Variants in UBE2D2 observed in about 807,000 individuals in gnomAD.
UBE2D2 encodes ubiquitin conjugating enzyme E2 D2.
In UBE2D2, 2 loss-of-function variants were observed where a neutral mutation model predicts 24.2. That is an observed-to-expected ratio of 0.08 (90% confidence interval 0.03 to 0.26). UBE2D2 has a LOEUF of 0.26. UBE2D2 is among the 10% of genes least tolerant of loss of function. The pLI is 1.00. For synonymous variants in UBE2D2, 58 were observed against 56.5 expected, an observed-to-expected ratio of 1.03 and a Z score of -0.12; for missense variants, 44 against 177.6, an observed-to-expected ratio of 0.25 and a Z score of 4.28.
chr5:139,597,925 G>A (rs768704209), intron 1 of UBE2D2, among the ~76,000 whole-genome samples: 5 of 151,710 alleles, frequency 3.3e-5, no homozygotes, highest in Middle Eastern at 6.3e-3. Context: ...TTTTTGAGAC[G>A]AAGTCTCGCT....
At position 139,591,410 on chromosome 5, in the gene UBE2D2, G is replaced by C. The variant is rs1441485874; in HGVS notation, c.25-8962G>C. Among the ~76,000 whole-genome samples the C allele has an allele frequency of 3.9e-5, 6 of 152,172 alleles. No homozygotes were observed. In the East Asian group the frequency reaches 9.7e-4, roughly 24 times the overall value. ...GCTGGGATTACAGGCATGAGCCACC[G>C]CACCTGACCCATGGTGGGTATTTTC... On this transcript the variant is annotated intron_variant, in intron 1 of 6. Transcript: ENST00000398733.
At chr5:139,622,546 A>C (rs953246655) in intron 5 of UBE2D2, among the ~76,000 whole-genome samples, 3 of 146,780 alleles carry the variant, frequency 2.0e-5, no homozygotes, top group Non-Finnish European at 4.5e-5. Context: ...GCCAGCCTTC[A>C]TTTTTATTTT....
chr5:139,571,748 T>G (rs1204325693), intron 1 of UBE2D2, among the ~76,000 whole-genome samples: 1 of 151,794 alleles, frequency 6.6e-6, no homozygotes, highest in Non-Finnish European at 1.5e-5. Flanking sequence ...TCTCTTTCCC[T>G]CTTTCCTTCC....
chr5:139,562,011 A>T (rs536707011), intron 1 of UBE2D2, 196 bp downstream of exon 1: 2 of 889,568 alleles, frequency 2.2e-6, no homozygotes, highest in Admixed American at 7.1e-5. Context: ...CTTAGGCCGG[A>T]GGTGCTCTCG....
intron 6 of UBE2D2, among the ~76,000 whole-genome samples, chr5:139,625,461 T>G (rs1175998857): frequency 8.7e-6 from 1 of 114,966 alleles, no homozygotes; most frequent in Admixed American, 1.1e-4. Context: ...TTTTTTTTTT[T>G]GAGGCAGGGT....
chr5:139,554,360 T>C (rs1388242964), intron 1 of UBE2D2, among the ~76,000 whole-genome samples: 1 of 152,132 alleles, frequency 6.6e-6, no homozygotes, highest in Non-Finnish European at 1.5e-5. Flanking sequence ...ACAAATCATC[T>C]CGCCAAAGTC....
chr5:139,576,254 G>A (rs545170947), intron 1 of UBE2D2, among the ~76,000 whole-genome samples: 2 of 152,330 alleles, frequency 1.3e-5, no homozygotes, highest in African/African-American at 4.8e-5. Flanking sequence ...GAGGCCAGCA[G>A]TCTAAAGTCA....
intron 1 of UBE2D2, among the ~76,000 whole-genome samples, chr5:139,598,197 T>C (rs1008051556): frequency 1.3e-5 from 2 of 152,050 alleles, no homozygotes; most frequent in Non-Finnish European, 2.9e-5. Context: ...TGCCTGGCCC[T>C]TTTTCAAACT....
chr5:139,562,455 C>G (rs776494530), intron 1 of UBE2D2: 1 of 1,283,988 alleles, frequency 7.8e-7, no homozygotes, highest in African/African-American at 1.5e-5. Context: ...CATTTTATTC[C>G]TTGAGGTTGC....
At chr5:139,559,655 A>G (rs1209110425), upstream of UBE2D2, among the ~76,000 whole-genome samples, 1 of 152,136 alleles carries the variant, frequency 6.6e-6, no homozygotes, top group Admixed American at 6.5e-5. Flanking sequence ...CCACTCACCT[A>G]CTGTGTGGCT....
chr5:139,550,358 C>T (rs1041822873), intron 1 of UBE2D2, among the ~76,000 whole-genome samples: 1 of 152,144 alleles, frequency 6.6e-6, no homozygotes, highest in African/African-American at 2.4e-5. Context: ...CTGCGTCTAG[C>T]TCAGGGATTG....
chr5:139,591,084 A>G (rs1458890839), intron 1 of UBE2D2, among the ~76,000 whole-genome samples: 1 of 147,244 alleles, frequency 6.8e-6, no homozygotes, highest in Admixed American at 6.8e-5. Flanking sequence ...GGTGTGAGCC[A>G]CTGTGCCCAA....
chr5:139,590,965 T>G (rs899233529), intron 1 of UBE2D2, among the ~76,000 whole-genome samples: 1 of 151,596 alleles, frequency 6.6e-6, no homozygotes, highest in African/African-American at 2.4e-5. Context: ...CAGCTAATTA[T>G]GCATTTTTAG....
At chr5:139,557,378 A>G (rs557686722), upstream of UBE2D2, among the ~76,000 whole-genome samples, 7 of 152,018 alleles carry the variant, frequency 4.6e-5, no homozygotes, top group South Asian at 1.5e-3. Flanking sequence ...CAGGTGATTC[A>G]CCAGCCTCGG....
At chr5:139,579,231 T>C (rs570302147) in intron 1 of UBE2D2, among the ~76,000 whole-genome samples, 1 of 152,352 alleles carries the variant, frequency 6.6e-6, no homozygotes, top group East Asian at 1.9e-4. Flanking sequence ...CGCTGCAACC[T>C]CTGCCTCCCC....
Position 139,626,921 on chromosome 5 carries a change from A to G in UBE2D2, c.*120A>G, listed in dbSNP as rs1754641575. On this transcript the variant is annotated 3_prime_UTR_variant, in exon 7 of 7. Transcript: ENST00000398733. ...CCACGCCTCATCTTCCCCTGTGCAC[A>G]TGTTTACCTGATACAGCAGTGCTGC... The G allele has an allele frequency of 1.3e-6, 1 of 766,606 alleles. No individual in the cohort carries two copies. The highest frequency in any genetic ancestry group is 1.6e-5 in the South Asian group (1 of 63,516). 47.5% of individuals were successfully genotyped at this position (766,606 alleles called of 1,614,324 possible).
intron 1 of UBE2D2, among the ~76,000 whole-genome samples, chr5:139,572,534 T>A (rs1016276016): frequency 6.6e-6 from 1 of 151,922 alleles, no homozygotes; most frequent in African/African-American, 2.4e-5. Flanking sequence ...AGTTTAAGGC[T>A]GCAGTGAGCT....
intron 1 of UBE2D2, among the ~76,000 whole-genome samples, chr5:139,546,290 C>T (rs1752824131): frequency 6.6e-6 from 1 of 152,092 alleles, no homozygotes; most frequent in African/African-American, 2.4e-5. Flanking sequence ...GATCCGCCCT[C>T]CTTGGCTTCC....
chr5:139,548,189 A>ATAAAT (rs1752862035), intron 1 of UBE2D2, among the ~76,000 whole-genome samples: 16 of 18,650 alleles, frequency 8.6e-4, no homozygotes, highest in Admixed American at 2.3e-3. Context: ...AAAAATAAAA[A>ATAAAT]AAAAAAATAA....
Sources: allele counts gnomAD v4.1 joint callset (sites outside exome capture counted in the v4.1 genomes callset), GRCh38; gene constraint gnomAD v4.1.1; transcripts MANE v1.5; gene names NCBI Gene and HGNC (gene_info 2026-07-23, HGNC 2026-07-21).